The following ARHGAP35 variants were observed in gnomAD, a reference collection of about 807,000 sequenced individuals.
ARHGAP35 encodes rho GTPase-activating protein 35.
Under a neutral mutation model 111.1 loss-of-function variants are expected in ARHGAP35, and 15 were observed. The observed-to-expected ratio is 0.13, with a 90% CI of 0.09 to 0.21. The LOEUF (loss-of-function observed/expected upper bound fraction) is 0.21. Among genes scored for constraint, ARHGAP35 ranks in the 10% least tolerant of loss-of-function variants. The pLI is 1.00. For synonymous variants in ARHGAP35, 643 were observed against 710.3 expected (o/e 0.91, Z 1.51); for missense variants, 1,262 against 1,873.0 (o/e 0.67, Z 6.02).
intron 3 of ARHGAP35, among the ~76,000 whole-genome samples, chr19:46,982,425 C>G (rs1416391182): frequency 6.6e-6 from 1 of 150,416 alleles, no homozygotes; most frequent in Non-Finnish European, 1.5e-5. Flanking sequence ...TGCAGTGAGC[C>G]GAGATTGAGC....
rs910950089 is a variant in ARHGAP35 at position 46,986,259 on chromosome 19, A to C, written c.3827-1730A>C. On this transcript the variant is annotated intron_variant, in intron 3 of 6. Coordinates refer to ENST00000672722, the MANE Select transcript of ARHGAP35 (RefSeq NM_004491.5). This position sits in a 1 kb window ranked among gnomAD's most constrained non-coding sequence, Gnocchi z 4.3. The stretch of plus-strand genomic sequence containing the variant: ...GACAGGGTGAGTGGACTCAGTAGAC[A>C]GCTTGGAATCCACTCTAAGCTGAAC... Among the ~76,000 whole-genome samples the C allele has an allele frequency of 2.6e-5, 4 of 152,204 alleles. No individual in the cohort carries two copies. Among genetic ancestry groups the C allele is most frequent in the Admixed American group, 1.3e-4 (2 of 15,282 alleles).
Position 46,922,173 on chromosome 19 carries a change from G to T in ARHGAP35, c.3498G>T (p.Gly1166=), listed in dbSNP as rs771048372. 2.5e-6 allele frequency: 4 copies of T among 1,613,908 alleles called. No individual in the cohort carries two copies. The highest frequency in any genetic ancestry group is 4.5e-5 in the East Asian group (2 of 44,894). Residue 1166 remains glycine (G), a synonymous_variant, in exon 2 of 7, where the codon GGG becomes GGT. Coordinates refer to ENST00000672722, the MANE Select transcript of ARHGAP35 (RefSeq NM_004491.5). The surrounding 1 kb of genome is among the most constrained non-coding windows in gnomAD (Gnocchi z 4.0). ...VLYRTRCTRL[G]RFASYRTSFS... is the part of the protein sequence containing the mutation. The stretch of plus-strand genomic sequence containing the variant: ...ACAGGACGAGATGCACCCGGCTGGG[G>T]CGGTTTGCTAGTTACCGGACCAGCT...
intron 1 of ARHGAP35, among the ~76,000 whole-genome samples, chr19:46,888,245 C>T (rs1384382328): frequency 8.1e-6 from 1 of 123,792 alleles, no homozygotes; most frequent in Non-Finnish European, 1.7e-5. Context: ...AGCCACCGCA[C>T]CCGGCCTCAA....
intron 1 of ARHGAP35, among the ~76,000 whole-genome samples, chr19:46,892,123 T>TAAAAAAAAAA (rs1178888092): frequency 1.9e-5 from 1 of 53,894 alleles, no homozygotes; most frequent in Non-Finnish European, 3.6e-5. Context: ...CTGTCTCTAC[T>TAAAAAAAAAA]AAAAAAAAAA....
chr19:46,933,351 G>A (rs771061466), intron 2 of ARHGAP35, among the ~76,000 whole-genome samples: 38 of 151,768 alleles, frequency 2.5e-4, no homozygotes, highest in Admixed American at 2.6e-4. Flanking sequence ...GTTTCACCAC[G>A]TTGGCCAGGC....
At chr19:46,923,893 C>T (rs1157033598) in intron 2 of ARHGAP35, among the ~76,000 whole-genome samples, 11 of 148,598 alleles carry the variant, frequency 7.4e-5, no homozygotes, top group African/African-American at 2.5e-4. Flanking sequence ...TGTATTCCAG[C>T]TTGGGCAACA....
At position 47,000,859 on chromosome 19, in the gene ARHGAP35, G is replaced by A; in HGVS notation, c.*171G>A. On this transcript the variant is annotated 3_prime_UTR_variant, in exon 7 of 7. Transcript: ENST00000672722. The surrounding 1 kb of genome is among the most constrained non-coding windows in gnomAD (Gnocchi z 6.9). ...AGCCAATGGTACCATCGGCTGGGCTGCCAGGTACCCTGGGCCTGGCGCTGC... is the reference window on the plus strand; with the variant it reads ...AGCCAATGGTACCATCGGCTGGGCTACCAGGTACCCTGGGCCTGGCGCTGC... The A allele has an allele frequency of 1.3e-6, 2 of 1,536,484 alleles. No homozygotes were observed. Among genetic ancestry groups the A allele is most frequent in the Non-Finnish European group, 1.7e-6 (2 of 1,146,618 alleles).
rs148800146 is a variant in ARHGAP35 at position 46,862,517 on chromosome 19, C to T, written c.-189+1308C>T. ...TCTGATACCTCCCGGGCTGGTCACCCATCCCCTTCCTGTTCTGCATCTCAC... is the reference window on the plus strand; with the variant it reads ...TCTGATACCTCCCGGGCTGGTCACCTATCCCCTTCCTGTTCTGCATCTCAC... On this transcript the variant is annotated intron_variant, in intron 1 of 6. Transcript: ENST00000672722. Among the ~76,000 whole-genome samples the T allele has an allele frequency of 1.2e-3, 189 of 152,202 alleles. 1 individual carries two copies. The highest frequency in any genetic ancestry group is 4.4e-3 in the African/African-American group (184 of 41,530).
chr19:46,877,108 G>A (rs1028851077), intron 1 of ARHGAP35, among the ~76,000 whole-genome samples: 1 of 151,798 alleles, frequency 6.6e-6, no homozygotes, highest in African/African-American at 2.4e-5. Flanking sequence ...AATTAGTCAG[G>A]CGTGGTGGCG....
At chr19:46,952,657 G>GT (rs918359266) in intron 3 of ARHGAP35, among the ~76,000 whole-genome samples, 1 of 152,190 alleles carries the variant, frequency 6.6e-6, no homozygotes, top group Non-Finnish European at 1.5e-5. Context: ...TATGAGGATT[G>GT]TTTTTGTTTT....
At chr19:46,976,208 TC>T (rs893982433) in intron 3 of ARHGAP35, among the ~76,000 whole-genome samples, 1 of 134,170 alleles carries the variant, frequency 7.5e-6, no homozygotes, top group African/African-American at 2.9e-5. Context: ...CAAAGCTTTC[TC>T]CTTTTTTTTT....
At chr19:46,952,482 A>C (rs1194048962) in intron 3 of ARHGAP35, among the ~76,000 whole-genome samples, 1 of 152,234 alleles carries the variant, frequency 6.6e-6, no homozygotes, top group African/African-American at 2.4e-5. Context: ...GAAGTCAGTA[A>C]TTCTCAAATG....
intron 1 of ARHGAP35, among the ~76,000 whole-genome samples, chr19:46,891,512 C>T (rs986878166): frequency 2.0e-5 from 3 of 151,606 alleles, no homozygotes; most frequent in East Asian, 1.9e-4. Flanking sequence ...CTGCAACCTC[C>T]GCCTCCCGGG....
chr19:46,871,592 C>G (rs1208214203), intron 1 of ARHGAP35, among the ~76,000 whole-genome samples: 5 of 151,958 alleles, frequency 3.3e-5, no homozygotes, highest in Non-Finnish European at 7.4e-5. Context: ...ATCCACCTGC[C>G]TCAGCCTCCC....
rs766146153 is a variant in ARHGAP35 at position 46,918,671 on chromosome 19, C to G, written c.-5C>G. The G allele has an allele frequency of 1.9e-6, 3 of 1,608,928 alleles. No homozygotes were observed. The highest frequency in any genetic ancestry group is 2.5e-6 in the Non-Finnish European group (3 of 1,176,688). Reference sequence around the variant, plus strand: ...AGTGGCTGATCGTGGCAGGATGTGTCGACGATGATGATGGCAAGAAAGCAA... The same window carrying G: ...AGTGGCTGATCGTGGCAGGATGTGTGGACGATGATGATGGCAAGAAAGCAA... On this transcript the variant is annotated 5_prime_UTR_variant, in exon 2 of 7. Transcript: ENST00000672722. The surrounding 1 kb of genome is among the most constrained non-coding windows in gnomAD (Gnocchi z 5.4).
At chr19:46,985,810 G>A (rs2056646199) in intron 3 of ARHGAP35, among the ~76,000 whole-genome samples, 1 of 152,144 alleles carries the variant, frequency 6.6e-6, no homozygotes, top group African/African-American at 2.4e-5. Flanking sequence ...CTCGGGGAAA[G>A]GGCCTTGGTG....
chr19:46,977,337 A>G (rs1175120830), intron 3 of ARHGAP35, among the ~76,000 whole-genome samples: 1 of 152,258 alleles, frequency 6.6e-6, no homozygotes, highest in Non-Finnish European at 1.5e-5. Flanking sequence ...TGGTGAATGT[A>G]GAACCTCAAT....
chr19:46,964,372 A>T (rs538564524), intron 3 of ARHGAP35, among the ~76,000 whole-genome samples: 1 of 151,332 alleles, frequency 6.6e-6, no homozygotes, highest in East Asian at 2.0e-4. Context: ...GGCTCAAGTG[A>T]TCCTCCCGAG....
At chr19:46,963,507 C>T (rs2122276124) in intron 3 of ARHGAP35, among the ~76,000 whole-genome samples, 1 of 152,174 alleles carries the variant, frequency 6.6e-6, no homozygotes, top group East Asian at 1.9e-4. Flanking sequence ...TTTTCCAAGC[C>T]CCATCTGAAA....
Sources: gnomAD v4.1 joint callset for allele counts (sites outside exome capture counted in the v4.1 genomes callset) on GRCh38, gnomAD v4.1.1 for gene constraint, Gnocchi (gnomAD v3.1) non-coding constraint, MANE v1.5 for transcripts, NCBI Gene and HGNC (gene_info 2026-07-23, HGNC 2026-07-21) for gene names.